Variants in CUBN observed in about 807,000 individuals in gnomAD.
CUBN encodes cubilin.
Under a neutral mutation model 405.3 loss-of-function variants are expected in CUBN, and 282 were observed. That is an observed-to-expected ratio of 0.70 (90% CI 0.63 to 0.77). The LOEUF is 0.77. CUBN is among the 30% of genes least tolerant of loss of function. The pLI, the probability that CUBN is intolerant of heterozygous loss-of-function variation, is 0.00. For missense variants in CUBN, 4,514 were observed against 4,475.2 expected, an observed-to-expected ratio of 1.01 and a Z score of -0.25; for synonymous variants, 1,684 against 1,617.0, an observed-to-expected ratio of 1.04 and a Z score of -0.99.
chr10:16,962,238 T>A (rs1843246620), intron 31 of CUBN, among the ~76,000 whole-genome samples: 1 of 152,110 alleles, frequency 6.6e-6, no homozygotes, highest in Non-Finnish European at 1.5e-5. Flanking sequence ...GTGGCTGGCA[T>A]GTAGTAAGCA....
intron 28 of CUBN, among the ~76,000 whole-genome samples, chr10:17,001,469 T>C (rs1218487043): frequency 1.3e-5 from 2 of 152,222 alleles, no homozygotes; most frequent in African/African-American, 2.4e-5. Context: ...GATTGGTGCA[T>C]TTACAAACTT....
intron 14 of CUBN, among the ~76,000 whole-genome samples, chr10:17,099,697 A>C (rs554351777): frequency 2.5e-4 from 38 of 152,180 alleles, no homozygotes; most frequent in Non-Finnish European, 4.4e-4. Context: ...AAAAACACAC[A>C]AAACATTAGC....
chr10:16,824,120 G>A lies in CUBN; in HGVS notation c.*855C>T, dbSNP rs1251379413. On this transcript the variant is annotated 3_prime_UTR_variant, in exon 67 of 67. Coordinates refer to ENST00000377833, the MANE Select transcript of CUBN (RefSeq NM_001081.4). Reference sequence around the variant, plus strand: ...GCTGGAGTACAGTGGTTAATTCACAGGGTTTCACTGCAGCCTTAACCTACT... The same window carrying A: ...GCTGGAGTACAGTGGTTAATTCACAAGGTTTCACTGCAGCCTTAACCTACT... 1 of 152,142 alleles carries A rather than the reference G, an allele frequency of 6.6e-6. No individual in the cohort carries two copies. The highest frequency in any genetic ancestry group is 2.4e-5 in the African/African-American group (1 of 41,420). 9.4% of individuals were successfully genotyped at this position (152,142 alleles called of 1,614,324 possible). A position where few individuals can be genotyped will look rare whatever the true frequency, so the allele number is the denominator to read the frequency against.
At chr10:16,967,811 G>A (rs545771468) in intron 31 of CUBN, among the ~76,000 whole-genome samples, 3 of 143,426 alleles carry the variant, frequency 2.1e-5, no homozygotes, top group African/African-American at 8.0e-5. Context: ...GAGAAAGAAG[G>A]AGAGACAGAG....
chr10:16,985,335 A>C (rs1422602592), intron 29 of CUBN, among the ~76,000 whole-genome samples: 1 of 152,206 alleles, frequency 6.6e-6, no homozygotes, highest in Non-Finnish European at 1.5e-5. Flanking sequence ...TTGGCCGGGG[A>C]TGGTCAGACA....
chr10:16,974,219 C>T (rs1833022890), intron 31 of CUBN, among the ~76,000 whole-genome samples: 1 of 152,174 alleles, frequency 6.6e-6, no homozygotes, highest in Non-Finnish European at 1.5e-5. Flanking sequence ...TAACTTTCTT[C>T]CAAAGAACAC....
Position 17,117,736 on chromosome 10 carries a change from T to C in CUBN, c.594-2139A>G, listed in dbSNP as rs112068244. Among the ~76,000 whole-genome samples the C allele has an allele frequency of 3.0e-4, 46 of 152,218 alleles. 1 individual carries two copies. The highest frequency in any genetic ancestry group is 3.4e-3 in the Middle Eastern group (1 of 294). On this transcript the variant is annotated intron_variant, in intron 6 of 66. Coordinates refer to ENST00000377833, the MANE Select transcript of CUBN (RefSeq NM_001081.4). Reference sequence around the variant, plus strand: ...TGAGCCACCGCACCCTGCTGAAGAATCTTTAAACCAACTGTTACTAGCTTT... The same window carrying C: ...TGAGCCACCGCACCCTGCTGAAGAACCTTTAAACCAACTGTTACTAGCTTT...
chr10:16,838,901 C>T lies in CUBN; in HGVS notation c.10032+1429G>A, dbSNP rs1340180236. Among the ~76,000 whole-genome samples, 4 of 152,296 alleles carry T rather than the reference C, an allele frequency of 2.6e-5. No homozygotes were observed. The South Asian group carries it at 6.2e-4, about 24-fold the overall frequency. On this transcript the variant is annotated intron_variant, in intron 62 of 66. Coordinates refer to ENST00000377833, the MANE Select transcript of CUBN (RefSeq NM_001081.4). Reference sequence around the variant, plus strand: ...CCTCAGGTAATCCACCAGCCTTGGCCTCCCAAAGTGCTGGGATTATAAGCA... The same window carrying T: ...CCTCAGGTAATCCACCAGCCTTGGCTTCCCAAAGTGCTGGGATTATAAGCA...
chr10:17,023,790 C>G (rs953759430), intron 27 of CUBN, among the ~76,000 whole-genome samples: 1 of 152,156 alleles, frequency 6.6e-6, no homozygotes, highest in Non-Finnish European at 1.5e-5. Context: ...ATATGCAGAT[C>G]TAATTTCTAT....
intron 31 of CUBN, among the ~76,000 whole-genome samples, chr10:16,963,187 C>CTTTTTTGTTTT: frequency 1.2e-5 from 1 of 84,350 alleles, no homozygotes. Context: ...CTTTTCTTTT[C>CTTTTTTGTTTT]TTTTTTTTCT....
chr10:17,039,939 A>G (rs890242170), intron 27 of CUBN, among the ~76,000 whole-genome samples: 1 of 152,120 alleles, frequency 6.6e-6, no homozygotes, highest in African/African-American at 2.4e-5. Flanking sequence ...CTTTGTTGTC[A>G]CTCTTTGTTT....
At chr10:17,017,146 C>G (rs12246126) in intron 28 of CUBN, among the ~76,000 whole-genome samples, 1 of 152,106 alleles carries the variant, frequency 6.6e-6, no homozygotes, top group African/African-American at 2.4e-5. Context: ...CAAAACTGCC[C>G]GTGCTTTTGG....
At chr10:16,972,556 A>G (rs905450956) in intron 31 of CUBN, among the ~76,000 whole-genome samples, 4 of 151,122 alleles carry the variant, frequency 2.6e-5, no homozygotes, top group African/African-American at 7.3e-5. Flanking sequence ...TCCCACCTCA[A>G]CCTCCTGAGT....
At chr10:16,944,188 G>T (rs1037060889) in intron 36 of CUBN, among the ~76,000 whole-genome samples, 1 of 152,094 alleles carries the variant, frequency 6.6e-6, no homozygotes, top group Non-Finnish European at 1.5e-5. Flanking sequence ...CAGAAAGATT[G>T]CACTGCACTT....
chr10:17,001,179 C>T (rs1040540512), intron 28 of CUBN, among the ~76,000 whole-genome samples: 1 of 152,136 alleles, frequency 6.6e-6, no homozygotes, highest in Non-Finnish European at 1.5e-5. Flanking sequence ...AGGTGGAGAC[C>T]TTTGGAGTGA....
At chr10:16,985,399 C>T (rs115941487) in intron 29 of CUBN, among the ~76,000 whole-genome samples, 2,981 of 152,304 alleles carry the variant, frequency 0.02, 93 homozygotes, top group African/African-American at 0.068. Context: ...CTTCACACTC[C>T]ATCCCCTTTC....
chr10:16,913,291 C>G (rs2131451629), intron 48 of CUBN, among the ~76,000 whole-genome samples: 2 of 152,370 alleles, frequency 1.3e-5, no homozygotes, highest in East Asian at 3.9e-4. Context: ...TATTCACACT[C>G]AGGGATCTCA....
At chr10:16,972,680 C>A (rs1832968522) in intron 31 of CUBN, among the ~76,000 whole-genome samples, 2 of 152,032 alleles carry the variant, frequency 1.3e-5, no homozygotes, top group African/African-American at 2.4e-5. Flanking sequence ...CCTGTCTCGG[C>A]CTCCCAAAGT....
Position 16,907,645 on chromosome 10 carries a change from A to G in CUBN, c.7568T>C (p.Leu2523Pro), listed in dbSNP as rs145347743. 11 of 1,612,314 alleles carry G rather than the reference A, an allele frequency of 6.8e-6. No homozygotes were observed. The highest frequency in any genetic ancestry group is 1.3e-5 in the African/African-American group (1 of 74,866). The change falls in exon 49 of 67, where the codon CTA becomes CCA. Residue 2523 changes from leucine to proline, a missense_variant. Transcript: ENST00000377833. ...ATTCACACTACTACACAGTTTCTCT[A>G]GCTGGGGTGAGTTACTTCTAATGCC... ...FNGIRSNSPQ[L>P]EKLCSSVNVS...
Sources: allele counts gnomAD v4.1 joint callset (sites outside exome capture counted in the v4.1 genomes callset), GRCh38; gene constraint gnomAD v4.1.1; transcripts MANE v1.5; gene names NCBI Gene and HGNC (gene_info 2026-07-23, HGNC 2026-07-21).